The following ADAMTS19 variants were observed in gnomAD, a reference collection of about 807,000 sequenced individuals.
The protein encoded by ADAMTS19 is ADAM metallopeptidase with thrombospondin type 1 motif 19.
ADAMTS19 carries 93 observed loss-of-function variants against 153.3 expected under a neutral mutation model. The observed-to-expected ratio is 0.61, with a 90% CI of 0.51 to 0.72. The LOEUF (loss-of-function observed/expected upper bound fraction) is 0.72, where lower values mean the gene tolerates loss of function less well. Ranked by LOEUF, ADAMTS19 falls within the 30% of genes least tolerant of loss-of-function variation. The pLI is 0.00. For synonymous variants in ADAMTS19, 600 were observed against 556.6 expected (o/e 1.08, Z -1.10); for missense variants, 1,482 against 1,552.1 (o/e 0.95, Z 0.76).
intron 20 of ADAMTS19, 125 bp downstream of exon 20, chr5:129,701,717 TTGA>T (rs1160980): frequency 0.62 from 618,132 of 1,004,252 alleles, 195,086 homozygotes; most frequent in Non-Finnish European, 0.64. Context: ...ATTAATTTTG[TTGA>T]TGATTAAAGG....
intron 2 of ADAMTS19, among the ~76,000 whole-genome samples, chr5:129,495,644 A>G (rs556459798): frequency 3.9e-5 from 6 of 152,182 alleles, no homozygotes; most frequent in African/African-American, 1.4e-4. Context: ...GAGTAAACAG[A>G]ATTTTAAATA....
At chr5:129,570,697 T>A (rs1370885930) in intron 7 of ADAMTS19, among the ~76,000 whole-genome samples, 1 of 151,728 alleles carries the variant, frequency 6.6e-6, no homozygotes, top group African/African-American at 2.4e-5. Context: ...CAAATTGAAT[T>A]GAGAAATATA....
intron 7 of ADAMTS19, among the ~76,000 whole-genome samples, chr5:129,564,447 AC>A (rs1373069337): frequency 6.6e-6 from 1 of 152,228 alleles, no homozygotes; most frequent in Non-Finnish European, 1.5e-5. Context: ...AAACAAGTCC[AC>A]CTTGGATGCA....
intron 21 of ADAMTS19, among the ~76,000 whole-genome samples, chr5:129,708,530 C>T (rs1325205970): frequency 1.4e-5 from 2 of 141,760 alleles, no homozygotes; most frequent in African/African-American, 2.6e-5. Flanking sequence ...ATTTGACCTT[C>T]CTTCCTTTAT....
At chr5:129,671,681 T>G (rs948217243) in intron 16 of ADAMTS19, among the ~76,000 whole-genome samples, 2 of 151,540 alleles carry the variant, frequency 1.3e-5, no homozygotes, top group Non-Finnish European at 2.9e-5. Flanking sequence ...TTAAACTGTA[T>G]TCTTAATTGC....
chr5:129,690,946 TCA>T (rs1211994360), intron 18 of ADAMTS19, among the ~76,000 whole-genome samples: 1 of 152,166 alleles, frequency 6.6e-6, no homozygotes, highest in Non-Finnish European at 1.5e-5. Flanking sequence ...ATAGAAAATT[TCA>T]GTTATGCATA....
intron 10 of ADAMTS19, among the ~76,000 whole-genome samples, chr5:129,626,619 C>A (rs571451995): frequency 4.7e-4 from 71 of 152,044 alleles, no homozygotes; most frequent in African/African-American, 1.7e-3. Context: ...AGTGTAGTAA[C>A]CTAATAGACG....
Position 129,461,270 on chromosome 5 carries a change from G to T in ADAMTS19, c.260G>T (p.Arg87Leu). The T allele has an allele frequency of 7.9e-7, 1 of 1,273,254 alleles. No individual in the cohort carries two copies. The highest frequency in any genetic ancestry group is 3.1e-5 in the South Asian group (1 of 32,306). 78.9% of individuals were successfully genotyped at this position (1,273,254 alleles called of 1,614,324 possible). The change falls in exon 2 of 23, where the codon CGC becomes CTC. Residue 87 changes from arginine to leucine, a missense_variant. By Grantham distance (102) the Arg-to-Leu change is moderately radical (BLOSUM62 -2). Transcript: ENST00000274487. The surrounding 1 kb of genome is among the most constrained non-coding windows in gnomAD (Gnocchi z 4.6). ...CGGGCGCAGGCTGCCGGCAGCTCAC[G>T]CGAGGTGCGCTCTGTGGCTCCGGTG... ...SARAQAAGSS[R>L]EVRSVAPVPL...
intron 7 of ADAMTS19, among the ~76,000 whole-genome samples, chr5:129,579,333 T>C (rs1228167916): frequency 6.6e-6 from 1 of 152,220 alleles, no homozygotes; most frequent in East Asian, 1.9e-4. Context: ...AGATTCTGGA[T>C]ATTAGACCTT....
rs192195790 is a variant in ADAMTS19 at position 129,707,082 on chromosome 5, C to T, written c.3312+2691C>T. Among the ~76,000 whole-genome samples the T allele has an allele frequency of 4.7e-3, 721 of 152,224 alleles. 8 individuals carry two copies. Among genetic ancestry groups the T allele is most frequent in the Non-Finnish European group, 7.4e-3 (506 of 68,006 alleles). ...GATTTGAACTACACGGATATACATA[C>T]ATATGGATTTTTTCAACCAAAGGCG... On this transcript the variant is annotated intron_variant, in intron 21 of 22. Transcript: ENST00000274487.
chr5:129,518,697 A>G (rs1017464257), intron 3 of ADAMTS19, among the ~76,000 whole-genome samples: 23 of 152,072 alleles, frequency 1.5e-4, no homozygotes, highest in African/African-American at 5.6e-4. Context: ...TTGGTGTTCT[A>G]TAACCTTTTT....
At chr5:129,545,975 T>G (rs1363416152) in intron 6 of ADAMTS19, among the ~76,000 whole-genome samples, 3 of 148,934 alleles carry the variant, frequency 2.0e-5, no homozygotes, top group African/African-American at 7.7e-5. Context: ...AGCAAAGACT[T>G]GGAACCAACC....
rs141624167 is a variant in ADAMTS19 at position 129,480,201 on chromosome 5, G to T, written c.747+18444G>T. On this transcript the variant is annotated intron_variant, in intron 2 of 22. Coordinates refer to ENST00000274487, the MANE Select transcript of ADAMTS19 (RefSeq NM_133638.6). ...GATGTAATTCAATGGAGGAATTCTA[G>T]TCCTTGACATATGGTGCTGGAAGAA... 1.0e-3 allele frequency among the ~76,000 whole-genome samples: 154 copies of T among 152,254 alleles called. 1 individual carries two copies. Among genetic ancestry groups the T allele is most frequent in the African/African-American group, 3.3e-3 (139 of 41,560 alleles).
At chr5:129,657,922 T>C (rs771681330) in intron 14 of ADAMTS19, among the ~76,000 whole-genome samples, 2 of 152,322 alleles carry the variant, frequency 1.3e-5, no homozygotes, top group East Asian at 1.9e-4. Flanking sequence ...TTGAGACTTA[T>C]GTAAATTGCA....
chr5:129,673,544 T>C (rs1439817005), intron 16 of ADAMTS19, among the ~76,000 whole-genome samples: 3 of 152,182 alleles, frequency 2.0e-5, no homozygotes, highest in African/African-American at 7.2e-5. Context: ...TGAGACCTCT[T>C]TTATAACTTA....
chr5:129,734,508 T>C (rs1757582421), intron 21 of ADAMTS19, among the ~76,000 whole-genome samples: 1 of 151,942 alleles, frequency 6.6e-6, no homozygotes, highest in African/African-American at 2.4e-5. Flanking sequence ...GTAACAAGGA[T>C]CCAGCTCTAA....
intron 7 of ADAMTS19, among the ~76,000 whole-genome samples, chr5:129,588,500 C>T (rs1355390038): frequency 2.0e-5 from 3 of 151,944 alleles, no homozygotes; most frequent in Non-Finnish European, 2.9e-5. Flanking sequence ...TGTATCTTTA[C>T]TTTCTTTTCA....
Position 129,522,332 on chromosome 5 carries a change from C to CACATATATAT in ADAMTS19, c.914-3951_914-3950insCATATATATA, listed in dbSNP as rs1309115957. Among the ~76,000 whole-genome samples, 526 of 58,536 alleles carry CACATATATAT rather than the reference C, an allele frequency of 9.0e-3. 7 individuals are homozygous for CACATATATAT. The highest frequency in any genetic ancestry group is 0.017 in the African/African-American group (194 of 11,222). 38.4% of individuals were successfully genotyped at this position (58,536 alleles called of 152,430 possible). A position where few individuals can be genotyped will look rare whatever the true frequency, so the allele number is the denominator to read the frequency against. On this transcript the variant is annotated intron_variant, in intron 3 of 22. Transcript: ENST00000274487. ...ATATATATATACACACACACACACA[C>CACATATATAT]ATATATATATATATATATATATATA...
At chr5:129,626,999 T>G (rs2126991513) in intron 10 of ADAMTS19, among the ~76,000 whole-genome samples, 1 of 152,122 alleles carries the variant, frequency 6.6e-6, no homozygotes, top group East Asian at 1.9e-4. Context: ...GCATTTATCT[T>G]GGGAGGAATA....
Sources: allele counts gnomAD v4.1 joint callset (sites outside exome capture counted in the v4.1 genomes callset), GRCh38; gene constraint gnomAD v4.1.1; non-coding constraint Gnocchi (gnomAD v3.1); transcripts MANE v1.5; gene names NCBI Gene and HGNC (gene_info 2026-07-23, HGNC 2026-07-21).